Variants in NKAIN3 observed in about 807,000 individuals in gnomAD.
NKAIN3 encodes the protein sodium/potassium transporting ATPase interacting 3, also known as sodium/potassium-transporting ATPase subunit beta-1-interacting protein 3.
NKAIN3 carries 25 observed loss-of-function variants against 30.2 expected under a neutral mutation model. The ratio of observed to expected loss-of-function variants is 0.83; its 90% CI spans 0.60 to 1.16. The LOEUF (loss-of-function observed/expected upper bound fraction) is 1.16, where lower values mean the gene tolerates loss of function less well. NKAIN3 is among the 50% of genes most tolerant of loss of function. The pLI is 0.00. For synonymous variants in NKAIN3, 91 were observed against 89.6 expected, an observed-to-expected ratio of 1.02 and a Z score of -0.09; for missense variants, 225 against 254.1, an observed-to-expected ratio of 0.89 and a Z score of 0.78.
chr8:62,558,852 C>T (rs1809484287), intron 1 of NKAIN3, among the ~76,000 whole-genome samples: 1 of 152,078 alleles, frequency 6.6e-6, no homozygotes, highest in Non-Finnish European at 1.5e-5. Context: ...CATGTTTAAG[C>T]TGTGTCCCAC....
intron 4 of NKAIN3, among the ~76,000 whole-genome samples, chr8:62,903,917 C>A (rs1165243192): frequency 6.6e-6 from 1 of 152,058 alleles, no homozygotes; most frequent in Non-Finnish European, 1.5e-5. Flanking sequence ...ATGGGGGAAA[C>A]CACCCCCATG....
intron 3 of NKAIN3, among the ~76,000 whole-genome samples, chr8:62,640,361 C>A (rs1379258743): frequency 6.6e-6 from 1 of 152,068 alleles, no homozygotes; most frequent in Non-Finnish European, 1.5e-5. Context: ...GCTTTGCCCT[C>A]TCTCTCACCT....
chr8:62,475,855 G>A (rs1806502448), intron 1 of NKAIN3, among the ~76,000 whole-genome samples: 1 of 152,176 alleles, frequency 6.6e-6, no homozygotes, highest in Non-Finnish European at 1.5e-5. Flanking sequence ...GAAGCACAGT[G>A]GAGAGTAGTG....
intron 3 of NKAIN3, among the ~76,000 whole-genome samples, chr8:62,708,289 C>T (rs958206443): frequency 1.3e-5 from 2 of 152,074 alleles, no homozygotes; most frequent in Admixed American, 6.5e-5. Context: ...ATGGGAATTG[C>T]ATTGAATTTG....
At position 62,826,534 on chromosome 8, in the gene NKAIN3, C is replaced by T. The variant is rs74777822; in HGVS notation, c.471+79405C>T. On this transcript the variant is annotated intron_variant, in intron 4 of 6. Transcript: ENST00000623646. ...TAACTGTGTTAAATAAGATTTCCCACGTAAAATATTTCTATCCATTCCATA... is the reference window on the plus strand; with the variant it reads ...TAACTGTGTTAAATAAGATTTCCCATGTAAAATATTTCTATCCATTCCATA... Among the ~76,000 whole-genome samples the T allele has an allele frequency of 1.1e-3, 168 of 152,222 alleles. 2 individuals are homozygous for T. The highest frequency in any genetic ancestry group is 9.6e-3 in the East Asian group (50 of 5,184).
chr8:62,609,897 G>A (rs187052579), intron 3 of NKAIN3, among the ~76,000 whole-genome samples: 3 of 152,252 alleles, frequency 2.0e-5, no homozygotes, highest in East Asian at 1.9e-4. Context: ...CAGGAACGTC[G>A]TGTAGGTCAT....
At chr8:62,540,677 C>G (rs1023003077) in intron 1 of NKAIN3, among the ~76,000 whole-genome samples, 1 of 151,784 alleles carries the variant, frequency 6.6e-6, no homozygotes, top group Non-Finnish European at 1.5e-5. Context: ...AGCTGTCATC[C>G]GAAGAGCTCC....
chr8:62,577,898 GCC>G (rs1325045439), intron 1 of NKAIN3, among the ~76,000 whole-genome samples: 2 of 151,824 alleles, frequency 1.3e-5, no homozygotes, highest in Admixed American at 1.3e-4. Flanking sequence ...TCTCTTTTCC[GCC>G]ACCGCTTGCT....
rs923747509 is a variant in NKAIN3 at position 62,968,479 on chromosome 8, G to C, written c.*3072G>C. On this transcript the variant is annotated 3_prime_UTR_variant, in exon 7 of 7. Transcript: ENST00000623646. Reference sequence around the variant, plus strand: ...TTCTCCATATGCAATTGTGTGTCTGGTCAGAGTAAGGGAAAATGAATGCAT... The same window carrying C: ...TTCTCCATATGCAATTGTGTGTCTGCTCAGAGTAAGGGAAAATGAATGCAT... 1.3e-5 allele frequency among the ~76,000 whole-genome samples: 2 copies of C among 152,146 alleles called. No individual in the cohort carries two copies. The highest frequency in any genetic ancestry group is 2.9e-5 in the Non-Finnish European group (2 of 68,040).
chr8:62,691,467 C>G lies in NKAIN3; in HGVS notation c.274-55465C>G, dbSNP rs144130578. 1.0e-3 allele frequency among the ~76,000 whole-genome samples: 152 copies of G among 152,138 alleles called. 1 individual carries two copies. The highest frequency in any genetic ancestry group is 3.7e-3 in the East Asian group (19 of 5,178). Reference sequence around the variant, plus strand: ...CCTGAGTTAAAGGAAATGGAGGATTCTTGAATATTTTCAAGTAGATTTCCA... The same window carrying G: ...CCTGAGTTAAAGGAAATGGAGGATTGTTGAATATTTTCAAGTAGATTTCCA... On this transcript the variant is annotated intron_variant, in intron 3 of 6. Transcript: ENST00000623646.
At chr8:62,647,058 AT>A (rs1230487643) in intron 3 of NKAIN3, among the ~76,000 whole-genome samples, 2 of 152,166 alleles carry the variant, frequency 1.3e-5, no homozygotes, top group African/African-American at 2.4e-5. Flanking sequence ...ATTTCACCAA[AT>A]ATTAGAATGT....
chr8:62,293,810 G>T lies in NKAIN3; in HGVS notation c.54+44683G>T, dbSNP rs560119322. Among the ~76,000 whole-genome samples the T allele has an allele frequency of 2.6e-5, 4 of 152,180 alleles. No individual in the cohort carries two copies. In the South Asian group the frequency reaches 8.3e-4, roughly 31 times the overall value. ...TCTGCAGAAGTTTCTGCTGCCTTTT[G>T]TTCAGCTATGCCCTGCCCCCAGAGG... On this transcript the variant is annotated intron_variant, in intron 1 of 6. Coordinates refer to ENST00000623646, the MANE Select transcript of NKAIN3 (RefSeq NM_001304533.3).
intron 4 of NKAIN3, among the ~76,000 whole-genome samples, chr8:62,799,991 G>A (rs893738245): frequency 6.6e-6 from 1 of 152,142 alleles, no homozygotes; most frequent in Non-Finnish European, 1.5e-5. Flanking sequence ...ATGAGTTGGA[G>A]CTAAGATATG....
At position 62,331,062 on chromosome 8, in the gene NKAIN3, C is replaced by CCTCT. The variant is rs60036306; in HGVS notation, c.54+81948_54+81951dup. 1.2e-3 allele frequency among the ~76,000 whole-genome samples: 177 copies of CCTCT among 144,500 alleles called. 2 individuals carry two copies. The highest frequency in any genetic ancestry group is 4.2e-3 in the African/African-American group (165 of 38,980). The allele number at this position is 144,500 out of a possible 152,430, so 94.8% of individuals were successfully genotyped here. On this transcript the variant is annotated intron_variant, in intron 1 of 6. Coordinates refer to ENST00000623646, the MANE Select transcript of NKAIN3 (RefSeq NM_001304533.3). ...CCTCCCTCCTCTTCTACCTCCTCCT[C>CCTCT]CTCTCTCTCTCTCTCTGTCTCTCTC... is the stretch of plus-strand genomic sequence containing the variant.
At chr8:62,728,337 G>T (rs1815323981) in intron 3 of NKAIN3, among the ~76,000 whole-genome samples, 1 of 152,122 alleles carries the variant, frequency 6.6e-6, no homozygotes, top group Non-Finnish European at 1.5e-5. Flanking sequence ...ATAAAAAAAA[G>T]AATGAATTGA....
chr8:62,425,981 C>T (rs1265564113), intron 1 of NKAIN3, among the ~76,000 whole-genome samples: 3 of 151,932 alleles, frequency 2.0e-5, no homozygotes, highest in Middle Eastern at 3.2e-3. Context: ...ATAGAACATA[C>T]ATTTAACATC....
intron 3 of NKAIN3, among the ~76,000 whole-genome samples, chr8:62,692,130 C>G (rs1309271265): frequency 6.6e-6 from 1 of 152,128 alleles, no homozygotes; most frequent in East Asian, 1.9e-4. Context: ...CCACTTGAAG[C>G]CTAGTCTTGA....
At chr8:62,685,417 A>G (rs1813768790) in intron 3 of NKAIN3, among the ~76,000 whole-genome samples, 1 of 152,226 alleles carries the variant, frequency 6.6e-6, no homozygotes, top group African/African-American at 2.4e-5. Context: ...ATTCCTCACA[A>G]CTGAGGAAAG....
rs542753333 is a variant in NKAIN3 at position 62,343,840 on chromosome 8, T to A, written c.54+94713T>A. 2.6e-5 allele frequency among the ~76,000 whole-genome samples: 4 copies of A among 152,146 alleles called. No individual in the cohort carries two copies. In the East Asian group the frequency reaches 5.8e-4, roughly 22 times the overall value. On this transcript the variant is annotated intron_variant, in intron 1 of 6. Transcript: ENST00000623646. Reference sequence around the variant, plus strand: ...AAAAAAAGTATACTTAGTGTTCTGTTTATAGAAACTTTTGAATTTGAAAGT... The same window carrying A: ...AAAAAAAGTATACTTAGTGTTCTGTATATAGAAACTTTTGAATTTGAAAGT...
Sources: gnomAD v4.1 joint callset for allele counts (sites outside exome capture counted in the v4.1 genomes callset) on GRCh38, gnomAD v4.1.1 for gene constraint, MANE v1.5 for transcripts, NCBI Gene and HGNC (gene_info 2026-07-23, HGNC 2026-07-21) for gene names.